Variants in STOX2 observed in about 807,000 individuals in gnomAD.
STOX2 encodes the protein storkhead box 2.
STOX2 carries 28 observed loss-of-function variants against 60.9 expected under a neutral mutation model. The ratio of observed to expected loss-of-function variants is 0.46; its 90% confidence interval spans 0.34 to 0.63. The LOEUF (loss-of-function observed/expected upper bound fraction) is 0.63. Among genes scored for constraint, STOX2 ranks in the 30% least tolerant of loss-of-function variants. The pLI, the probability that STOX2 is intolerant of heterozygous loss-of-function variation, is 0.01. For missense variants in STOX2, 1,024 were observed against 1,187.7 expected, an observed-to-expected ratio of 0.86 and a Z score of 2.03; for synonymous variants, 472 against 463.9, an observed-to-expected ratio of 1.02 and a Z score of -0.22.
intron 1 of STOX2, among the ~76,000 whole-genome samples, chr4:183,827,628 T>A (rs889496865): frequency 6.6e-6 from 1 of 152,174 alleles, no homozygotes; most frequent in African/African-American, 2.4e-5. Flanking sequence ...TCACTTTGGG[T>A]TATTTTGAAA....
chr4:183,852,687 T>C (rs1446065912), intron 1 of STOX2, among the ~76,000 whole-genome samples: 1 of 152,216 alleles, frequency 6.6e-6, no homozygotes. Flanking sequence ...AGGTTCTTTT[T>C]TTCTGCATTT....
intron 1 of STOX2, among the ~76,000 whole-genome samples, chr4:183,888,126 G>A (rs779443265): frequency 1.3e-5 from 2 of 152,054 alleles, no homozygotes; most frequent in Non-Finnish European, 1.5e-5. Flanking sequence ...CTACCCTACC[G>A]GGAGGAAAAT....
At chr4:183,869,286 G>A (rs181113708) in intron 1 of STOX2, among the ~76,000 whole-genome samples, 5 of 152,138 alleles carry the variant, frequency 3.3e-5, no homozygotes, top group Admixed American at 1.3e-4. Flanking sequence ...AGAATTGTTC[G>A]ATGGGCCTAG....
At chr4:183,946,735 C>T (rs1055995417) in intron 1 of STOX2, among the ~76,000 whole-genome samples, 5 of 151,718 alleles carry the variant, frequency 3.3e-5, no homozygotes, top group Non-Finnish European at 7.4e-5. Context: ...AAGCAATTCT[C>T]CTGCTTCACC....
intron 1 of STOX2, among the ~76,000 whole-genome samples, chr4:183,980,725 T>C (rs1006718691): frequency 7.2e-5 from 11 of 151,956 alleles, no homozygotes; most frequent in Non-Finnish European, 1.2e-4. Flanking sequence ...AGTATGGTGA[T>C]ACTTTCTTTT....
At chr4:183,828,392 G>A (rs1739484757) in intron 1 of STOX2, among the ~76,000 whole-genome samples, 3 of 152,276 alleles carry the variant, frequency 2.0e-5, no homozygotes, top group African/African-American at 7.2e-5. Context: ...CTCGGGGGAT[G>A]TGTTTAGATT....
chr4:183,967,802 T>C (rs1031494764), intron 1 of STOX2, among the ~76,000 whole-genome samples: 3 of 152,100 alleles, frequency 2.0e-5, no homozygotes, highest in Non-Finnish European at 4.4e-5. Context: ...AGTATGAAAA[T>C]GTTAAAACTT....
intron 1 of STOX2, among the ~76,000 whole-genome samples, chr4:183,802,448 C>T (rs753331338): frequency 2.1e-4 from 32 of 152,082 alleles, no homozygotes; most frequent in Non-Finnish European, 4.1e-4. Context: ...TATCATGGCT[C>T]ACTGCAGCCT....
rs568865684 is a variant in STOX2 at position 183,857,062 on chromosome 4, G to T, written c.364+59007G>T. On this transcript the variant is annotated intron_variant, in intron 1 of 2. Coordinates refer to the STOX2 transcript ENST00000513034. ...ACAAGCCTTCCTCTCCCTTCTCTAG[G>T]GTAATCCTTCTGCCTGGTAGGATTG... Among the ~76,000 whole-genome samples the T allele has an allele frequency of 9.2e-5, 14 of 152,272 alleles. 2 individuals carry two copies. The South Asian group carries it at 2.9e-3, about 32-fold the overall frequency.
intron 1 of STOX2, among the ~76,000 whole-genome samples, chr4:183,838,370 A>G (rs1199840420): frequency 1.3e-5 from 2 of 151,752 alleles, no homozygotes; most frequent in African/African-American, 4.8e-5. Flanking sequence ...TAAATAAATA[A>G]ATACATAAAA....
rs148023942 is a variant in STOX2, at chr4:183,825,953, C to T, written c.364+27898C>T. The stretch of plus-strand genomic sequence containing the variant: ...GCTGAAAATCGACACCATTTGCAGT[C>T]GCTGAAACCTTTGGGTAATCTATCA... On this transcript the variant is annotated intron_variant, in intron 1 of 2. Transcript: ENST00000513034. This position sits in a 1 kb window ranked among gnomAD's most constrained non-coding sequence, Gnocchi z 4.1. Among the ~76,000 whole-genome samples the T allele has an allele frequency of 7.4e-4, 113 of 152,204 alleles. 3 individuals are homozygous for T. Among genetic ancestry groups the T allele is most frequent in the Admixed American group, 4.1e-3 (62 of 15,296 alleles).
At chr4:183,989,950 A>G (rs1015932597) in intron 1 of STOX2, among the ~76,000 whole-genome samples, 1 of 152,182 alleles carries the variant, frequency 6.6e-6, no homozygotes, top group Non-Finnish European at 1.5e-5. Context: ...AATTTTTAGA[A>G]CATGTTTAAA....
In STOX2 at chr4:183,825,978, A is replaced by C. The variant is rs1739422377; in HGVS notation, c.364+27923A>C. 6.6e-6 allele frequency among the ~76,000 whole-genome samples: 1 copy of C among 151,402 alleles called. No individual in the cohort carries two copies. Among genetic ancestry groups the C allele is most frequent in the Non-Finnish European group, 1.5e-5 (1 of 67,874 alleles). On this transcript the variant is annotated intron_variant, in intron 1 of 2. Transcript: ENST00000513034. The surrounding 1 kb of genome is among the most constrained non-coding windows in gnomAD (Gnocchi z 4.1). Reference sequence around the variant, plus strand: ...CGCTGAAACCTTTGGGTAATCTATCACCTCTTCTTCTGCTCTTTCCTGTTT... The same window carrying C: ...CGCTGAAACCTTTGGGTAATCTATCCCCTCTTCTTCTGCTCTTTCCTGTTT...
chr4:183,864,177 G>T (rs571779213), intron 1 of STOX2, among the ~76,000 whole-genome samples: 2 of 152,076 alleles, frequency 1.3e-5, no homozygotes, highest in Non-Finnish European at 2.9e-5. Flanking sequence ...TTTACTGCAG[G>T]ACTTCTCATG....
chr4:184,007,315 A>G (rs1025152427), intron 2 of STOX2, among the ~76,000 whole-genome samples: 1 of 152,014 alleles, frequency 6.6e-6, no homozygotes, highest in Non-Finnish European at 1.5e-5. Flanking sequence ...TTTATTTCCT[A>G]CTTTGGAAGG....
chr4:183,805,560 C>A (rs1738871098), intron 1 of STOX2, among the ~76,000 whole-genome samples: 1 of 152,204 alleles, frequency 6.6e-6, no homozygotes, highest in South Asian at 2.1e-4. Flanking sequence ...ATAATCCCAG[C>A]ACTTTGGGAT....
At chr4:183,895,156 C>T (rs2111187025) in intron 1 of STOX2, among the ~76,000 whole-genome samples, 1 of 152,254 alleles carries the variant, frequency 6.6e-6, no homozygotes, top group East Asian at 1.9e-4. Flanking sequence ...CGTGGACTGT[C>T]TCTGAGCCTT....
At chr4:183,966,065 A>C (rs955802687) in intron 1 of STOX2, among the ~76,000 whole-genome samples, 1 of 140,404 alleles carries the variant, frequency 7.1e-6, no homozygotes, top group African/African-American at 2.6e-5. Context: ...AGAGGGGGGC[A>C]GGGAGGGAGG....
chr4:183,891,793 A>C (rs561205415), intron 1 of STOX2, among the ~76,000 whole-genome samples: 1 of 152,066 alleles, frequency 6.6e-6, no homozygotes, highest in Non-Finnish European at 1.5e-5. Flanking sequence ...AAAAATCAAT[A>C]AATAAAATGA....
Sources: allele counts gnomAD v4.1 joint callset (sites outside exome capture counted in the v4.1 genomes callset), GRCh38; gene constraint gnomAD v4.1.1; non-coding constraint Gnocchi (gnomAD v3.1); transcripts MANE v1.5; gene names NCBI Gene and HGNC (gene_info 2026-07-23, HGNC 2026-07-21).